The following PVT1 variants were observed in gnomAD, a reference collection of about 807,000 sequenced individuals.
The protein encoded by PVT1 is CXCR4/PVT1 fusion.
intron 2 of PVT1, among the ~76,000 whole-genome samples, chr8:127,850,364 G>C (rs76312163): frequency 2.2e-3 from 340 of 152,274 alleles, no homozygotes; most frequent in African/African-American, 7.9e-3. Context: ...ATACACATTG[G>C]AAACCTGACT....
intron 4 of PVT1, among the ~76,000 whole-genome samples, chr8:127,992,797 CT>C (rs1203004517): frequency 6.6e-6 from 1 of 152,300 alleles, no homozygotes; most frequent in East Asian, 1.9e-4. Context: ...CTGGCCTTGC[CT>C]TCCCCTGGTG....
At chr8:127,923,558 T>C (rs1816091052) in intron 3 of PVT1, among the ~76,000 whole-genome samples, 1 of 152,194 alleles carries the variant, frequency 6.6e-6, no homozygotes, top group Non-Finnish European at 1.5e-5. Context: ...GGATCTTCTA[T>C]TGGCAGAGGG....
intron 2 of PVT1, among the ~76,000 whole-genome samples, chr8:127,839,860 C>A (rs112744103): frequency 2.0e-5 from 3 of 152,124 alleles, no homozygotes; most frequent in East Asian, 3.9e-4. Flanking sequence ...GGTACCCAGC[C>A]GCTGCCATGT....
chr8:128,097,880 G>A (rs963002639), intron 6 of PVT1, among the ~76,000 whole-genome samples: 1 of 152,056 alleles, frequency 6.6e-6, no homozygotes, highest in African/African-American at 2.4e-5. Context: ...CCAGTGGACA[G>A]GCATTTTGCA....
chr8:127,890,287 C>T lies in PVT1; in HGVS notation n.373-302C>T, dbSNP rs566990547. Among the ~76,000 whole-genome samples the T allele has an allele frequency of 1.6e-4, 25 of 152,338 alleles. No homozygotes were observed. The South Asian group carries it at 4.8e-3, about 29-fold the overall frequency. ...GTCAGCTTTCTAAGCCAGTCACAAA[C>T]ATTCTCCTCTCAACTTTATAATGGA... On this transcript the variant is annotated intron_variant and non_coding_transcript_variant, in intron 2 of 10. Coordinates refer to ENST00000651587, the Ensembl canonical transcript of PVT1.
chr8:128,074,162 A>G (rs1814047885), intron 5 of PVT1, among the ~76,000 whole-genome samples: 1 of 152,156 alleles, frequency 6.6e-6, no homozygotes, highest in African/African-American at 2.4e-5. Context: ...CAGAAGACAC[A>G]TGAAGCTAGA....
At chr8:127,922,397 C>A (rs1385014023) in intron 3 of PVT1, among the ~76,000 whole-genome samples, 1 of 150,872 alleles carries the variant, frequency 6.6e-6, no homozygotes, top group Non-Finnish European at 1.5e-5. Flanking sequence ...GATGCTGCAA[C>A]CCCTCTCCCC....
At chr8:128,084,100 TC>T (rs1054033812) in intron 5 of PVT1, among the ~76,000 whole-genome samples, 6 of 151,918 alleles carry the variant, frequency 3.9e-5, no homozygotes, top group Admixed American at 6.6e-5. Flanking sequence ...CTATCCTTTA[TC>T]CCCCCCTTGG....
intron 6 of PVT1, chr8:128,100,894 C>T (rs543387430): frequency 3.9e-5 from 6 of 152,206 alleles, no homozygotes; most frequent in African/African-American, 7.2e-5. Context: ...GACATTATTC[C>T]GAAGGTTATA....
chr8:127,877,219 C>T lies in PVT1; in HGVS notation n.373-13370C>T, dbSNP rs191729964. Among the ~76,000 whole-genome samples the T allele has an allele frequency of 3.3e-5, 5 of 152,280 alleles. No homozygotes were observed. In the East Asian group the frequency reaches 5.8e-4, roughly 18 times the overall value. On this transcript the variant is annotated intron_variant and non_coding_transcript_variant, in intron 2 of 10. Coordinates refer to ENST00000651587, the Ensembl canonical transcript of PVT1. ...CAGGCTGTGGTGTGATGATGGCCCC[C>T]GAGGGGACTTGCAGTCTTATGGACC...
chr8:128,031,098 G>A (rs1813381752), intron 4 of PVT1, among the ~76,000 whole-genome samples: 1 of 152,228 alleles, frequency 6.6e-6, no homozygotes, highest in Non-Finnish European at 1.5e-5. Flanking sequence ...TGTCACACTG[G>A]GGTCGGCGCA....
At chr8:127,929,605 A>G (rs1197018327) in intron 3 of PVT1, among the ~76,000 whole-genome samples, 2 of 152,154 alleles carry the variant, frequency 1.3e-5, no homozygotes, top group African/African-American at 4.8e-5. Context: ...TCTCTACTAA[A>G]AATACAAAAA....
At chr8:127,869,380 C>T (rs1287192806) in intron 2 of PVT1, among the ~76,000 whole-genome samples, 1 of 152,142 alleles carries the variant, frequency 6.6e-6, no homozygotes, top group Admixed American at 6.5e-5. Context: ...ATGCACCCAC[C>T]TCCTCCTCTC....
rs1448971824 is a variant in PVT1 at position 127,985,033 on chromosome 8, CCTTTCCTT to C, written n.783-4124_783-4117del. On this transcript the variant is annotated intron_variant and non_coding_transcript_variant, in intron 3 of 10. Transcript: ENST00000651587. ...TCCTTCCTTCCTTCCTTCCTTCCTT[CCTTTCCTT>C]CTTTTTTTTTTTGACAGATTCTCAC... Among the ~76,000 whole-genome samples the C allele has an allele frequency of 1.6e-4, 21 of 128,116 alleles. 1 individual carries two copies. Among genetic ancestry groups the C allele is most frequent in the Admixed American group, 7.6e-5 (1 of 13,144 alleles). The allele number at this position is 128,116 out of a possible 152,430, so 84.0% of individuals were successfully genotyped here.
exon 5 of PVT1, chr8:128,070,305 C>T (rs1375867353): frequency 6.6e-6 from 1 of 152,284 alleles, no homozygotes; most frequent in Non-Finnish European, 1.5e-5. Context: ...ATAAGCTCTT[C>T]ACACCTGTAC....
intron 3 of PVT1, among the ~76,000 whole-genome samples, chr8:127,980,942 A>G (rs749852183): frequency 6.6e-6 from 1 of 151,936 alleles, no homozygotes; most frequent in Non-Finnish European, 1.5e-5. Flanking sequence ...GATTACGGGC[A>G]TCCACCACAA....
At chr8:127,892,278 G>C (rs1258158353) in intron 3 of PVT1, among the ~76,000 whole-genome samples, 1 of 152,134 alleles carries the variant, frequency 6.6e-6, no homozygotes, top group East Asian at 1.9e-4. Context: ...CAATTTACTG[G>C]GTTTCCTGTC....
intron 4 of PVT1, among the ~76,000 whole-genome samples, chr8:128,064,134 C>T (rs766768693): frequency 2.6e-5 from 4 of 152,154 alleles, no homozygotes; most frequent in Non-Finnish European, 5.9e-5. Context: ...TCCTGCAGTA[C>T]CCGTCCCTGG....
At chr8:127,986,336 A>G (rs559387512) in intron 3 of PVT1, among the ~76,000 whole-genome samples, 1 of 152,262 alleles carries the variant, frequency 6.6e-6, no homozygotes, top group Non-Finnish European at 1.5e-5. Context: ...TCAGACGTCA[A>G]AGCACAGCGT....
Sources: allele counts gnomAD v4.1 joint callset (sites outside exome capture counted in the v4.1 genomes callset), GRCh38; gene constraint gnomAD v4.1.1; transcripts MANE v1.5; gene names NCBI Gene and HGNC (gene_info 2026-07-23, HGNC 2026-07-21).